Variants in NRF1 observed in about 807,000 individuals in gnomAD.
NRF1 encodes nuclear respiratory factor 1.
In NRF1, 5 loss-of-function variants were observed where a neutral mutation model predicts 58.5. The ratio of observed to expected loss-of-function variants is 0.09; its 90% CI spans 0.04 to 0.18. The LOEUF (loss-of-function observed/expected upper bound fraction) is 0.18. Among genes scored for constraint, NRF1 ranks in the 10% least tolerant of loss-of-function variants. The pLI, the probability that NRF1 is intolerant of heterozygous loss-of-function variation, is 1.00. For missense variants in NRF1, 288 were observed against 657.7 expected, an observed-to-expected ratio of 0.44 and a Z score of 6.15; for synonymous variants, 224 against 246.7, an observed-to-expected ratio of 0.91 and a Z score of 0.86.
At chr7:129,619,490 G>GTGTATATATA (rs1422472177) in intron 1 of NRF1, among the ~76,000 whole-genome samples, 44 of 48,606 alleles carry the variant, frequency 9.1e-4, no homozygotes, top group African/African-American at 4.0e-3. Flanking sequence ...GTGTGTGTGT[G>GTGTATATATA]TATATATATA....
At chr7:129,707,653 A>T (rs1353340867) in intron 5 of NRF1, among the ~76,000 whole-genome samples, 1 of 152,200 alleles carries the variant, frequency 6.6e-6, no homozygotes, top group African/African-American at 2.4e-5. Flanking sequence ...GGGTTTTTAA[A>T]TGGATACGTT....
Position 129,661,919 on chromosome 7 carries a change from G to A in NRF1, c.223+4345G>A, listed in dbSNP as rs189813360. ...CAAGACTGGGAAGAAAAGAGGTTTC[G>A]GTGGACTTACAGATCTATGTGGCTG... On this transcript the variant is annotated intron_variant, in intron 2 of 10. Transcript: ENST00000393232. Among the ~76,000 whole-genome samples, 5 of 150,768 alleles carry A rather than the reference G, an allele frequency of 3.3e-5. No individual in the cohort carries two copies. The East Asian group carries it at 7.7e-4, about 23-fold the overall frequency.
At chr7:129,665,333 C>A (rs1338374274) in intron 2 of NRF1, among the ~76,000 whole-genome samples, 1 of 152,164 alleles carries the variant, frequency 6.6e-6, no homozygotes, top group African/African-American at 2.4e-5. Context: ...GGGTTGGAAT[C>A]CCAACTCCAC....
At chr7:129,709,028 C>T in intron 5 of NRF1, 47 bp from the exon 6 acceptor site, 7 of 1,379,158 alleles carry the variant, frequency 5.1e-6, no homozygotes, top group Non-Finnish European at 6.7e-6. Context: ...ATAAACACAC[C>T]CCAGATGTCT....
At position 129,673,404 on chromosome 7, in the gene NRF1, T is replaced by A. The variant is rs538990032; in HGVS notation, c.338+1861T>A. Among the ~76,000 whole-genome samples, 6 of 152,322 alleles carry A rather than the reference T, an allele frequency of 3.9e-5. No individual in the cohort carries two copies. In the East Asian group the frequency reaches 9.6e-4, roughly 24 times the overall value. On this transcript the variant is annotated intron_variant, in intron 3 of 10. Coordinates refer to ENST00000393232, the MANE Select transcript of NRF1 (RefSeq NM_005011.5). ...GATTTCAGAGGGAAGAGGCAGTGTT[T>A]CTGTTTCATCCATTGTTACTATATT...
chr7:129,742,275 T>TAAAAAAAAAAAAAAAAAA (rs71167214), intron 10 of NRF1, among the ~76,000 whole-genome samples: 1 of 126,786 alleles, frequency 7.9e-6, no homozygotes. Flanking sequence ...TGAAATTGAT[T>TAAAAAAAAAAAAAAAAAA]AAAAAAAAAA....
intron 1 of NRF1, among the ~76,000 whole-genome samples, chr7:129,636,470 ACTG>A (rs1283992494): frequency 6.6e-6 from 1 of 152,014 alleles, no homozygotes; most frequent in Non-Finnish European, 1.5e-5. Flanking sequence ...CTGACCTCAA[ACTG>A]CTGACCTCAG....
chr7:129,647,775 C>T (rs764018615), intron 1 of NRF1, among the ~76,000 whole-genome samples: 18 of 152,328 alleles, frequency 1.2e-4, no homozygotes, highest in Non-Finnish European at 2.2e-4. Flanking sequence ...GGAATATTTA[C>T]AAAGTTAACC....
intron 10 of NRF1, among the ~76,000 whole-genome samples, chr7:129,748,067 A>C (rs1167702239): frequency 1.3e-5 from 2 of 151,934 alleles, no homozygotes; most frequent in Admixed American, 6.6e-5. Context: ...CGAGGTCAGG[A>C]GTTCAAGACC....
intron 6 of NRF1, among the ~76,000 whole-genome samples, chr7:129,709,871 C>G (rs1343599145): frequency 1.3e-5 from 2 of 151,742 alleles, no homozygotes; most frequent in African/African-American, 4.8e-5. Flanking sequence ...GTTGGGATTA[C>G]AGGCATGCAC....
chr7:129,687,963 AAAAC>A (rs1802479963), intron 4 of NRF1, among the ~76,000 whole-genome samples: 2 of 152,218 alleles, frequency 1.3e-5, no homozygotes, highest in African/African-American at 2.4e-5. Flanking sequence ...CTAGCACTAA[AAAAC>A]AAACAAACAA....
intron 1 of NRF1, among the ~76,000 whole-genome samples, chr7:129,634,022 C>A (rs1413456446): frequency 1.9e-5 from 2 of 108,088 alleles, no homozygotes; most frequent in Admixed American, 9.9e-5. Context: ...TTTTTTACAT[C>A]TGTATTTAAA....
intron 5 of NRF1, 79 bp downstream of exon 5, chr7:129,690,625 T>C (rs1376532326): frequency 2.5e-5 from 37 of 1,496,532 alleles, no homozygotes; most frequent in Non-Finnish European, 3.2e-5. Flanking sequence ...TTTTCTGCAT[T>C]TTGTCCTCAG....
intron 1 of NRF1, 150 bp from the exon 2 acceptor site, chr7:129,657,196 C>G: frequency 3.3e-6 from 2 of 610,320 alleles, no homozygotes; most frequent in Non-Finnish European, 5.8e-6. Flanking sequence ...ATGGTGCTTC[C>G]CATTTCCTGT....
At chr7:129,658,611 A>G (rs1319239534) in intron 2 of NRF1, among the ~76,000 whole-genome samples, 3 of 151,918 alleles carry the variant, frequency 2.0e-5, no homozygotes, top group Non-Finnish European at 4.4e-5. Flanking sequence ...AAAAAAAAAA[A>G]AGGAAAAGCA....
At chr7:129,686,742 T>C (rs1232674286) in intron 4 of NRF1, among the ~76,000 whole-genome samples, 4 of 152,224 alleles carry the variant, frequency 2.6e-5, no homozygotes, top group Non-Finnish European at 5.9e-5. Context: ...GAATGGTAAC[T>C]GATTTTGATT....
In NRF1 at chr7:129,744,063, C is replaced by T. The variant is rs542533869; in HGVS notation, c.1349-10955C>T. 374 of 991,282 alleles carry T rather than the reference C, an allele frequency of 3.8e-4. 3 individuals carry two copies. The African/African-American group carries it at 5.5e-3, about 14-fold the overall frequency. The allele number at this position is 991,282 out of a possible 1,614,324, so 61.4% of individuals were successfully genotyped here. A position where few individuals can be genotyped will look rare whatever the true frequency, so the allele number is the denominator to read the frequency against. ...GGGTGGAAGGAGCGAGGCTGTGCAC[C>T]CTGCACCAGATGTGCATGGGAGGCT... On this transcript the variant is annotated intron_variant, in intron 10 of 10. Coordinates refer to ENST00000393232, the MANE Select transcript of NRF1 (RefSeq NM_005011.5).
chr7:129,628,965 AC>A (rs1351167242), intron 1 of NRF1, among the ~76,000 whole-genome samples: 1 of 152,258 alleles, frequency 6.6e-6, no homozygotes, highest in Non-Finnish European at 1.5e-5. Context: ...ACATTCTTTA[AC>A]ATCACCACCA....
At chr7:129,612,070 G>A (rs1421939030) in intron 1 of NRF1, among the ~76,000 whole-genome samples, 1 of 150,176 alleles carries the variant, frequency 6.7e-6, no homozygotes, top group Non-Finnish European at 1.5e-5. Flanking sequence ...CGGGAGGGAG[G>A]CGCTGCCCTC....
Sources: allele counts gnomAD v4.1 joint callset (sites outside exome capture counted in the v4.1 genomes callset), GRCh38; gene constraint gnomAD v4.1.1; transcripts MANE v1.5; gene names NCBI Gene and HGNC (gene_info 2026-07-23, HGNC 2026-07-21).